Variants in NRXN1 observed in about 807,000 individuals in gnomAD.
The protein encoded by NRXN1 is neurexin-1.
In NRXN1, 39 loss-of-function variants were observed where a neutral mutation model predicts 150.9. The observed-to-expected ratio is 0.26, with a 90% CI of 0.20 to 0.34. The LOEUF (loss-of-function observed/expected upper bound fraction) is 0.34. Ranked by LOEUF, NRXN1 falls within the 10% of genes least tolerant of loss-of-function variation. The pLI is 1.00. For missense variants in NRXN1, 1,815 were observed against 1,949.9 expected (o/e 0.93, Z 1.30); for synonymous variants, 924 against 757.0 (o/e 1.22, Z -3.62).
At chr2:50,652,862 T>C (rs889125178) in intron 5 of NRXN1, among the ~76,000 whole-genome samples, 6 of 152,102 alleles carry the variant, frequency 3.9e-5, no homozygotes, top group African/African-American at 1.4e-4. Context: ...TTGTTGATGT[T>C]TTCCATTATA....
chr2:50,374,245 C>T (rs956016977), intron 17 of NRXN1, among the ~76,000 whole-genome samples: 5 of 151,480 alleles, frequency 3.3e-5, no homozygotes, highest in Admixed American at 3.3e-4. Flanking sequence ...CTGTAGTGAG[C>T]ATGCTATTGT....
chr2:50,378,827 C>T (rs2080720922), intron 17 of NRXN1, among the ~76,000 whole-genome samples: 1 of 152,134 alleles, frequency 6.6e-6, no homozygotes, highest in African/African-American at 2.4e-5. Context: ...GAAACTCTTC[C>T]TGACCCTTAG....
At chr2:50,785,842 G>A (rs770623011) in intron 5 of NRXN1, among the ~76,000 whole-genome samples, 1 of 152,034 alleles carries the variant, frequency 6.6e-6, no homozygotes, top group Non-Finnish European at 1.5e-5. Context: ...CTATTCTAGA[G>A]TTGTGATTGG....
chr2:50,385,323 T>A (rs991360878), intron 17 of NRXN1, among the ~76,000 whole-genome samples: 1 of 152,216 alleles, frequency 6.6e-6, no homozygotes, highest in Non-Finnish European at 1.5e-5. Context: ...GTTAACAATT[T>A]ACTTCTCTCT....
At chr2:50,487,931 C>A (rs942160979) in intron 15 of NRXN1, among the ~76,000 whole-genome samples, 2 of 152,192 alleles carry the variant, frequency 1.3e-5, no homozygotes, top group Non-Finnish European at 2.9e-5. Flanking sequence ...CTGACTATTG[C>A]TTGGCTTTGC....
At chr2:50,091,192 A>T (rs1213763682) in intron 19 of NRXN1, 131 bp downstream of exon 19, 3 of 1,013,374 alleles carry the variant, frequency 3.0e-6, no homozygotes, top group Non-Finnish European at 3.1e-6. Context: ...CATTCACATG[A>T]CTCTAAAGTC....
At chr2:50,440,402 TTATTA>T (rs2085845595) in intron 17 of NRXN1, among the ~76,000 whole-genome samples, 3 of 134,178 alleles carry the variant, frequency 2.2e-5, no homozygotes, top group East Asian at 1.9e-4. Context: ...ACTATAGTCT[TTATTA>T]TTATTATTAT....
intron 17 of NRXN1, among the ~76,000 whole-genome samples, chr2:50,355,462 T>C (rs1254133185): frequency 1.3e-5 from 2 of 152,022 alleles, no homozygotes. Flanking sequence ...CCTCTTGTTT[T>C]ACCTCCATTT....
At chr2:50,415,547 G>T (rs1193823736) in intron 17 of NRXN1, among the ~76,000 whole-genome samples, 1 of 152,160 alleles carries the variant, frequency 6.6e-6, no homozygotes, top group African/African-American at 2.4e-5. Context: ...CATGGATAAT[G>T]ATTTGAATTT....
rs2092219803 is a variant in NRXN1, at chr2:50,506,348, A to C, written c.2497+147T>G. Reference sequence around the variant, plus strand: ...CACCTAACAGACTGCTTATTTAATAAAATAGTTACTAGAAAAAAATAGAAT... The same window carrying C: ...CACCTAACAGACTGCTTATTTAATACAATAGTTACTAGAAAAAAATAGAAT... On this transcript the variant is annotated intron_variant, in intron 13 of 22. Transcript: ENST00000401669. The C allele has an allele frequency of 9.3e-6, 6 of 645,938 alleles. No homozygotes were observed. In the East Asian group the frequency reaches 1.8e-4, roughly 20 times the overall value. The allele number at this position is 645,938 out of a possible 1,614,324, so 40.0% of individuals were successfully genotyped here.
chr2:51,014,096 G>C (rs1038901191), intron 2 of NRXN1, among the ~76,000 whole-genome samples: 7 of 152,064 alleles, frequency 4.6e-5, no homozygotes, highest in African/African-American at 1.7e-4. Context: ...AAATTAGCAA[G>C]TCAGACAAAG....
At chr2:50,933,380 T>A (rs1574971119) in intron 2 of NRXN1, among the ~76,000 whole-genome samples, 1 of 152,078 alleles carries the variant, frequency 6.6e-6, no homozygotes, top group East Asian at 1.9e-4. Context: ...GCAAATTTGG[T>A]AAAAAATATT....
chr2:50,727,636 T>C (rs1697554808), intron 5 of NRXN1, among the ~76,000 whole-genome samples: 1 of 152,142 alleles, frequency 6.6e-6, no homozygotes, highest in Non-Finnish European at 1.5e-5. Context: ...GGTACACATA[T>C]TGATTAACAT....
At chr2:50,821,241 C>A (rs887468984) in intron 5 of NRXN1, among the ~76,000 whole-genome samples, 5 of 152,150 alleles carry the variant, frequency 3.3e-5, no homozygotes, top group African/African-American at 1.2e-4. Flanking sequence ...TTGAATGCAG[C>A]CCAACACAAA....
intron 8 of NRXN1, among the ~76,000 whole-genome samples, chr2:50,590,735 G>A (rs928243461): frequency 1.3e-5 from 2 of 152,148 alleles, no homozygotes; most frequent in Non-Finnish European, 2.9e-5. Flanking sequence ...GGACGATCAT[G>A]AATCAGAAAA....
At chr2:50,405,727 TACTC>T (rs1302817147) in intron 17 of NRXN1, among the ~76,000 whole-genome samples, 3 of 152,154 alleles carry the variant, frequency 2.0e-5, no homozygotes, top group Non-Finnish European at 4.4e-5. Context: ...CCAGGTTTAT[TACTC>T]ACTCACGTGA....
At chr2:50,700,825 G>C (rs1287843315) in intron 5 of NRXN1, among the ~76,000 whole-genome samples, 1 of 147,832 alleles carries the variant, frequency 6.8e-6, no homozygotes, top group African/African-American at 2.5e-5. Context: ...TTTTTGAGAC[G>C]CCCGGCTAAT....
intron 5 of NRXN1, among the ~76,000 whole-genome samples, chr2:50,783,330 A>C (rs1185537312): frequency 1.3e-5 from 2 of 152,058 alleles, no homozygotes; most frequent in Non-Finnish European, 2.9e-5. Context: ...CAGCATGGGG[A>C]TTCTGTTAAA....
At chr2:50,267,782 A>G (rs560830364) in intron 17 of NRXN1, among the ~76,000 whole-genome samples, 6 of 152,190 alleles carry the variant, frequency 3.9e-5, no homozygotes, top group Non-Finnish European at 7.3e-5. Context: ...TTTTAAAAGC[A>G]CTTTATGATT....
Sources: gnomAD v4.1 joint callset for allele counts (sites outside exome capture counted in the v4.1 genomes callset) on GRCh38, gnomAD v4.1.1 for gene constraint, MANE v1.5 for transcripts, NCBI Gene and HGNC (gene_info 2026-07-23, HGNC 2026-07-21) for gene names.